The following NR2C2 variants were observed in gnomAD, a reference collection of about 807,000 sequenced individuals.
NR2C2 encodes the protein nuclear receptor subfamily 2 group C member 2.
NR2C2 carries 6 observed loss-of-function variants against 62.9 expected under a neutral mutation model. The ratio of observed to expected loss-of-function variants is 0.10; its 90% CI spans 0.05 to 0.19. The LOEUF (loss-of-function observed/expected upper bound fraction) is 0.19. Among genes scored for constraint, NR2C2 ranks in the 10% least tolerant of loss-of-function variants. NR2C2 has a pLI of 1.00. For missense variants in NR2C2, 479 were observed against 762.7 expected, an observed-to-expected ratio of 0.63 and a Z score of 4.38; for synonymous variants, 272 against 273.8, an observed-to-expected ratio of 0.99 and a Z score of 0.07.
In NR2C2 at chr3:14,952,554, C is replaced by G. The variant is rs561901669; in HGVS notation, c.-40+4648C>G. Among the ~76,000 whole-genome samples, 7 of 152,284 alleles carry G rather than the reference C, an allele frequency of 4.6e-5. No homozygotes were observed. In the East Asian group the frequency reaches 5.8e-4, roughly 13 times the overall value. ...CCAGCCTTGATGTAAGGATCCCCTG[C>G]TAGATTTTCGTTTACCTCTTTTTAC... On this transcript the variant is annotated intron_variant, in intron 1 of 13. Coordinates refer to ENST00000425241, the MANE Select transcript of NR2C2 (RefSeq NM_001291694.2).
intron 1 of NR2C2, among the ~76,000 whole-genome samples, chr3:14,965,216 G>T (rs1484972213): frequency 6.6e-6 from 1 of 152,118 alleles, no homozygotes; most frequent in Admixed American, 6.5e-5. Context: ...TTTATTTTGT[G>T]ATAGGAATAA....
intron 1 of NR2C2, among the ~76,000 whole-genome samples, chr3:14,974,874 G>A (rs1038682721): frequency 6.6e-6 from 1 of 152,144 alleles, no homozygotes; most frequent in Non-Finnish European, 1.5e-5. Context: ...AAAGTGCTGG[G>A]ATTACAGGTG....
In NR2C2 at chr3:15,043,017, A is replaced by G; in HGVS notation, c.*9A>G. 6.2e-7 allele frequency: 1 copy of G among 1,611,236 alleles called. No homozygotes were observed. Among genetic ancestry groups the G allele is most frequent in the South Asian group, 1.1e-5 (1 of 90,760 alleles). ...CCGGAGCCAGTCTATAGCGCAAACC[A>G]CACACCTGCCAAGGAGCAACAGAAT... On this transcript the variant is annotated 3_prime_UTR_variant, in exon 14 of 14. Coordinates refer to ENST00000425241, the MANE Select transcript of NR2C2 (RefSeq NM_001291694.2).
intron 1 of NR2C2, among the ~76,000 whole-genome samples, chr3:14,974,608 G>GT (rs2040148694): frequency 4.8e-5 from 7 of 147,366 alleles, no homozygotes; most frequent in African/African-American, 1.7e-4. Context: ...TTTTTTTGTT[G>GT]GTTTTTTTTT....
chr3:14,952,442 C>G (rs1261407143), intron 1 of NR2C2, among the ~76,000 whole-genome samples: 1 of 152,138 alleles, frequency 6.6e-6, no homozygotes, highest in African/African-American at 2.4e-5. Context: ...ATCTCCTGTA[C>G]AAGTATCATC....
chr3:14,992,160 A>G (rs377740032), intron 1 of NR2C2, among the ~76,000 whole-genome samples: 14 of 152,240 alleles, frequency 9.2e-5, no homozygotes, highest in Admixed American at 7.2e-4. Context: ...TTATTTCCTT[A>G]TAAAACAAAC....
At chr3:14,951,755 T>TG (rs2039367696) in intron 1 of NR2C2, among the ~76,000 whole-genome samples, 1 of 139,402 alleles carries the variant, frequency 7.2e-6, no homozygotes, top group Admixed American at 6.9e-5. Context: ...TTTTTGTGTG[T>TG]TTTTTTTTGT....
intron 1 of NR2C2, among the ~76,000 whole-genome samples, chr3:15,001,318 G>GTTTTTTT (rs61017075): frequency 1.0e-5 from 1 of 97,484 alleles, no homozygotes; most frequent in Non-Finnish European, 2.1e-5. Flanking sequence ...TTTGTTTTGG[G>GTTTTTTT]TTTTTTTTTT....
intron 1 of NR2C2, among the ~76,000 whole-genome samples, chr3:14,968,822 C>A (rs2039944220): frequency 7.1e-6 from 1 of 141,724 alleles, no homozygotes; most frequent in African/African-American, 2.7e-5. Flanking sequence ...ATGATGAGTT[C>A]ATGTCCTTTG....
chr3:14,967,725 A>G (rs573777641), intron 1 of NR2C2, among the ~76,000 whole-genome samples: 1 of 152,166 alleles, frequency 6.6e-6, no homozygotes, highest in African/African-American at 2.4e-5. Context: ...AGCATTTAAG[A>G]TTTCCCAAAC....
chr3:14,980,518 A>C (rs2040336226), intron 1 of NR2C2, among the ~76,000 whole-genome samples: 2 of 151,964 alleles, frequency 1.3e-5, no homozygotes, highest in Admixed American at 1.3e-4. Flanking sequence ...TATGTGATAC[A>C]TGTATTTCTG....
At chr3:15,040,486 G>C (rs1386716321) in intron 13 of NR2C2, among the ~76,000 whole-genome samples, 1 of 152,202 alleles carries the variant, frequency 6.6e-6, no homozygotes, top group African/African-American at 2.4e-5. Context: ...GAGCCCCATG[G>C]AACACAGATG....
rs1192922779 is a variant in NR2C2, at chr3:14,961,103, G to A, written c.-40+13197G>A. ...TCATGTCATTGTAGAAGTTGGTGCA[G>A]TATCTGCTGTCACAGAATTTTGACT... On this transcript the variant is annotated intron_variant, in intron 1 of 13. Coordinates refer to ENST00000425241, the MANE Select transcript of NR2C2 (RefSeq NM_001291694.2). Among the ~76,000 whole-genome samples, 7 of 152,332 alleles carry A rather than the reference G, an allele frequency of 4.6e-5. No individual in the cohort carries two copies. In the East Asian group the frequency reaches 1.2e-3, roughly 25 times the overall value.
At chr3:14,973,722 A>G (rs927362744) in intron 1 of NR2C2, among the ~76,000 whole-genome samples, 1 of 152,180 alleles carries the variant, frequency 6.6e-6, no homozygotes, top group Non-Finnish European at 1.5e-5. Context: ...ATGCTTGTCA[A>G]CAATCATTTG....
chr3:15,007,067 G>A (rs2041196370), intron 2 of NR2C2, among the ~76,000 whole-genome samples: 1 of 150,948 alleles, frequency 6.6e-6, no homozygotes, highest in Non-Finnish European at 1.5e-5. Context: ...GAGCCACTGT[G>A]CCACCCAGCC....
chr3:15,003,356 A>G (rs1010704679), intron 1 of NR2C2, among the ~76,000 whole-genome samples: 1 of 152,150 alleles, frequency 6.6e-6, no homozygotes, highest in Non-Finnish European at 1.5e-5. Flanking sequence ...ACTAAATTTC[A>G]GACCCTGTGG....
intron 1 of NR2C2, among the ~76,000 whole-genome samples, chr3:14,958,779 C>T (rs2039602320): frequency 6.6e-6 from 1 of 152,120 alleles, no homozygotes; most frequent in African/African-American, 2.4e-5. Context: ...AGATCCAGAC[C>T]ATCCTGGCCA....
chr3:15,004,326 C>T (rs1245015627), intron 2 of NR2C2, among the ~76,000 whole-genome samples: 1 of 152,094 alleles, frequency 6.6e-6, no homozygotes, highest in African/African-American at 2.4e-5. Flanking sequence ...CTTTGTTGAC[C>T]TTGGTCAATT....
At chr3:15,041,172 C>T (rs2042252600) in intron 13 of NR2C2, among the ~76,000 whole-genome samples, 1 of 152,186 alleles carries the variant, frequency 6.6e-6, no homozygotes, top group South Asian at 2.1e-4. Context: ...GAGTGTTTTA[C>T]ATCCTGTTTG....
Sources: allele counts gnomAD v4.1 joint callset (sites outside exome capture counted in the v4.1 genomes callset), GRCh38; gene constraint gnomAD v4.1.1; transcripts MANE v1.5; gene names NCBI Gene and HGNC (gene_info 2026-07-23, HGNC 2026-07-21).